Variants in ZNF641 observed in about 807,000 individuals in gnomAD.
ZNF641 encodes zinc finger protein 641.
A neutral mutation model predicts 46.2 loss-of-function variants in ZNF641; 26 were observed. The observed-to-expected ratio is 0.56, with a 90% CI of 0.41 to 0.78. ZNF641 has a LOEUF of 0.78. Ranked by LOEUF, ZNF641 falls within the 30% of genes least tolerant of loss-of-function variation. The pLI is 0.00. For missense variants in ZNF641, 469 were observed against 517.8 expected (o/e 0.91, Z 0.91); for synonymous variants, 163 against 187.9 (o/e 0.87, Z 1.09).
At chr12:48,344,525 G>A in intron 5 of ZNF641, 74 bp downstream of exon 5, 3 of 951,006 alleles carry the variant, frequency 3.2e-6, no homozygotes, top group South Asian at 1.5e-5. Flanking sequence ...GGCAGAGGAG[G>A]GATTAAACGA....
At position 48,342,403 on chromosome 12, in the gene ZNF641, C is replaced by T. The variant is rs1394080185; in HGVS notation, c.*570G>A. 1 of 985,856 alleles carries T rather than the reference C, an allele frequency of 1.0e-6. No homozygotes were observed. The highest frequency in any genetic ancestry group is 1.7e-5 in the African/African-American group (1 of 57,218). The allele number at this position is 985,856 out of a possible 1,614,324, so 61.1% of individuals were successfully genotyped here. A position where few individuals can be genotyped will look rare whatever the true frequency, so the allele number is the denominator to read the frequency against. The stretch of plus-strand genomic sequence containing the variant: ...GATGCCTGATCACTATCTCTTGTTT[C>T]CTTGTTACTCTCTAACCCAGTGTTC... On this transcript the variant is annotated 3_prime_UTR_variant, in exon 6 of 6. Coordinates refer to ENST00000547026, the MANE Select transcript of ZNF641 (RefSeq NM_001172681.2).
In ZNF641 at chr12:48,343,502, G is replaced by A. The variant is rs1292393678; in HGVS notation, c.746C>T (p.Pro249Leu). The A allele has an allele frequency of 1.2e-6, 2 of 1,613,298 alleles. No individual in the cohort carries two copies. The highest frequency in any genetic ancestry group is 2.2e-5 in the East Asian group (1 of 44,856). The change falls in exon 6 of 6, where the codon CCC (proline) becomes CTC (leucine). Residue 249 changes from proline (P) to leucine (L), a missense_variant. By Grantham distance (98) the Pro-to-Leu change is moderately conservative (BLOSUM62 -3). Around this residue, in one of 3 missense-constraint regions of ZNF641, gnomAD observed 346 missense variants for 354.0 expected, o/e 0.98. Coordinates refer to ENST00000547026, the MANE Select transcript of ZNF641 (RefSeq NM_001172681.2). ...CSTEMDSLLR[P>L]HTCPQCGKQF... is the part of the protein sequence containing the mutation. ...TTTCCCACACTGGGGGCATGTGTGG[G>A]GTCTTAACAGGGAATCCATCTCTGT...
At chr12:48,347,582 T>C (rs1952913369) in intron 2 of ZNF641, among the ~76,000 whole-genome samples, 1 of 152,256 alleles carries the variant, frequency 6.6e-6, no homozygotes, top group East Asian at 1.9e-4. Flanking sequence ...GTAATTTTCA[T>C]CTAGTAAATT....
rs915638005 is a variant in ZNF641, at chr12:48,342,363, A to T, written c.*610T>A. The stretch of plus-strand genomic sequence containing the variant: ...GGCCCCCCTGGCTTTCATATGGATA[A>T]AAAAGGGGGCTCTGGATGCCTGATC... On this transcript the variant is annotated 3_prime_UTR_variant, in exon 6 of 6. Transcript: ENST00000547026. The T allele has an allele frequency of 2.1e-5, 21 of 985,630 alleles. No homozygotes were observed. In the African/African-American group the frequency reaches 3.0e-4, roughly 14 times the overall value. 61.1% of individuals were successfully genotyped at this position (985,630 alleles called of 1,614,324 possible).
At chr12:48,344,427 C>A in intron 5 of ZNF641, 172 bp downstream of exon 5, 1 of 455,742 alleles carries the variant, frequency 2.2e-6, no homozygotes, top group Admixed American at 3.9e-5. Context: ...GAATTCAAAT[C>A]CACAAAGTGC....
At position 48,342,649 on chromosome 12, in the gene ZNF641, T is replaced by C. The variant is rs1430767928; in HGVS notation, c.*324A>G. ...GATACTCAAAATGTTTAACAACTGG[T>C]ATAGCATAGACTCCAACCAATCAGA... On this transcript the variant is annotated 3_prime_UTR_variant, in exon 6 of 6. Transcript: ENST00000547026. 1.6e-5 allele frequency: 9 copies of C among 563,458 alleles called. No individual in the cohort carries two copies. The highest frequency in any genetic ancestry group is 2.3e-5 in the Non-Finnish European group (9 of 395,456). The allele number at this position is 563,458 out of a possible 1,614,324, so 34.9% of individuals were successfully genotyped here. A position where few individuals can be genotyped will look rare whatever the true frequency, so the allele number is the denominator to read the frequency against.
chr12:48,345,659 T>C (rs1237316161), intron 3 of ZNF641, among the ~76,000 whole-genome samples, 185 bp from the exon 4 acceptor site: 1 of 152,128 alleles, frequency 6.6e-6, no homozygotes. Flanking sequence ...TAAAGGTAGA[T>C]GGTCAAGGAG....
chr12:48,343,530 T>G lies in ZNF641; in HGVS notation c.718A>C (p.Ser240Arg), dbSNP rs1374399142. Residue 240 changes from serine to arginine, a missense_variant, in exon 6 of 6, where the codon AGC (serine) becomes CGC (arginine). By Grantham distance (110) the Ser-to-Arg change is moderately radical. Coordinates refer to ENST00000547026, the MANE Select transcript of ZNF641 (RefSeq NM_001172681.2). The stretch of plus-strand genomic sequence containing the variant: ...CTTAACAGGGAATCCATCTCTGTGC[T>G]ACACAGCAGGTTTGAGAAACTATCT... ...QEDSFSNLLC[S>R]TEMDSLLRPH... The G allele has an allele frequency of 6.2e-7, 1 of 1,609,962 alleles. No individual in the cohort carries two copies. The highest frequency in any genetic ancestry group is 8.5e-7 in the Non-Finnish European group (1 of 1,176,902).
In ZNF641 at chr12:48,340,912, T is replaced by C; in HGVS notation, c.*2061A>G. ...ATACTGATCCTAAAATGCTCCTGTT[T>C]CTGAGAAGCTAGGGCAAGACCTGCC... is the stretch of plus-strand genomic sequence containing the variant. On this transcript the variant is annotated 3_prime_UTR_variant, in exon 6 of 6. Coordinates refer to ENST00000547026, the MANE Select transcript of ZNF641 (RefSeq NM_001172681.2). 2.0e-6 allele frequency: 2 copies of C among 985,456 alleles called. No homozygotes were observed. Among genetic ancestry groups the C allele is most frequent in the Non-Finnish European group, 2.4e-6 (2 of 829,942 alleles). 61.0% of individuals were successfully genotyped at this position (985,456 alleles called of 1,614,324 possible).
At chr12:48,335,719 G>C (rs1020162736), downstream of ZNF641, among the ~76,000 whole-genome samples, 5 of 152,226 alleles carry the variant, frequency 3.3e-5, no homozygotes, top group African/African-American at 9.6e-5. Context: ...TACTCAGCCA[G>C]AGGCATTCCC....
At chr12:48,350,157 GC>G (rs1359869871) in intron 1 of ZNF641, 1 of 1,605,422 alleles carries the variant, frequency 6.2e-7, no homozygotes. Context: ...CATGCCCACT[GC>G]AGTGTGGGTT....
In ZNF641 at chr12:48,338,628, T is replaced by C. The variant is rs1404057340; in HGVS notation, c.*4345A>G. Reference sequence around the variant, plus strand: ...AGAATCTTCTAAGCAGCAGAATGCATTTTGGGCACCATGGCTTCATTGGTT... The same window carrying C: ...AGAATCTTCTAAGCAGCAGAATGCACTTTGGGCACCATGGCTTCATTGGTT... On this transcript the variant is annotated 3_prime_UTR_variant, in exon 6 of 6. Coordinates refer to ENST00000547026, the MANE Select transcript of ZNF641 (RefSeq NM_001172681.2). The C allele has an allele frequency of 6.6e-6, 1 of 152,232 alleles. No individual in the cohort carries two copies. 9.4% of individuals were successfully genotyped at this position (152,232 alleles called of 1,614,324 possible). A position where few individuals can be genotyped will look rare whatever the true frequency, so the allele number is the denominator to read the frequency against.
Position 48,343,396 on chromosome 12 carries a change from C to T in ZNF641, c.852G>A (p.Glu284=). 1.2e-6 allele frequency: 2 copies of T among 1,614,154 alleles called. No homozygotes were observed. The highest frequency in any genetic ancestry group is 1.7e-6 in the Non-Finnish European group (2 of 1,180,042). The change falls in exon 6 of 6, where the codon GAG becomes GAA. Residue 284 remains glutamate, a synonymous_variant. Coordinates refer to ENST00000547026, the MANE Select transcript of ZNF641 (RefSeq NM_001172681.2). ...GGTGATGTCTTCGCCCAAAGGTCTTCTCACACTTGAGGCAGCTGTAGGGTC... is the reference window on the plus strand; with the variant it reads ...GGTGATGTCTTCGCCCAAAGGTCTTTTCACACTTGAGGCAGCTGTAGGGTC... ...GERPYSCLKC[E]KTFGRRHHLI...
At chr12:48,344,491 C>A (rs1205101710) in intron 5 of ZNF641, 108 bp downstream of exon 5, 1 of 664,232 alleles carries the variant, frequency 1.5e-6, no homozygotes, top group East Asian at 2.9e-5. Context: ...AATCTCTAAA[C>A]CTTTTGTCTC....
At chr12:48,345,739 C>T (rs1333242040) in intron 3 of ZNF641, among the ~76,000 whole-genome samples, 10 of 152,200 alleles carry the variant, frequency 6.6e-5, no homozygotes, top group South Asian at 4.1e-4. Flanking sequence ...ACCATAAACT[C>T]ATCACCACCT....
At position 48,341,340 on chromosome 12, in the gene ZNF641, T is replaced by C. The variant is rs548845045; in HGVS notation, c.*1633A>G. On this transcript the variant is annotated 3_prime_UTR_variant, in exon 6 of 6. Transcript: ENST00000547026. The stretch of plus-strand genomic sequence containing the variant: ...TCCCTAACCCCGAACTGCTCTTACA[T>C]ACAAGATAATTTTTAAATTATAAGA... The C allele has an allele frequency of 4.0e-5, 39 of 985,406 alleles. No individual in the cohort carries two copies. In the South Asian group the frequency reaches 1.6e-3, roughly 39 times the overall value. 61.0% of individuals were successfully genotyped at this position (985,406 alleles called of 1,614,324 possible).
chr12:48,346,639 C>T (rs1186355439), intron 3 of ZNF641, among the ~76,000 whole-genome samples: 1 of 152,112 alleles, frequency 6.6e-6, no homozygotes, highest in African/African-American at 2.4e-5. Flanking sequence ...CTAATCTTTC[C>T]AGATTTATTT....
rs140606413 is a variant in ZNF641 at position 48,348,064 on chromosome 12, C to T, written c.27G>A (p.Leu9=). The T allele has an allele frequency of 5.0e-6, 8 of 1,614,126 alleles. 1 individual carries two copies. The African/African-American group carries it at 9.3e-5, about 19-fold the overall frequency. Residue 9 remains leucine, a synonymous_variant, in exon 2 of 6, where the codon CTG becomes CTA. Coordinates refer to ENST00000547026, the MANE Select transcript of ZNF641 (RefSeq NM_001172681.2). MLSEQTAA[L]GTGWESMNVQ... is the part of the protein sequence containing the mutation. ...CATTCATTGATTCCCATCCTGTCCC[C>T]AGCGCTGCTGTCTGTTCTGAAAGCA... is the stretch of plus-strand genomic sequence containing the variant.
rs761927175 is a variant in ZNF641 at position 48,343,494 on chromosome 12, A to T, written c.754T>A (p.Cys252Ser). 2 of 1,613,704 alleles carry T rather than the reference A, an allele frequency of 1.2e-6. No homozygotes were observed. The highest frequency in any genetic ancestry group is 1.7e-6 in the Non-Finnish European group (2 of 1,179,686). ...EMDSLLRPHT[C>S]PQCGKQFVWG... The stretch of plus-strand genomic sequence containing the variant: ...ACAAACTGTTTCCCACACTGGGGGC[A>T]TGTGTGGGGTCTTAACAGGGAATCC... The change falls in exon 6 of 6, where the codon TGC (cysteine) becomes AGC (serine). Residue 252 changes from cysteine (C) to serine (S), a missense_variant. Coordinates refer to ENST00000547026, the MANE Select transcript of ZNF641 (RefSeq NM_001172681.2).
Sources: allele counts gnomAD v4.1 joint callset (sites outside exome capture counted in the v4.1 genomes callset), GRCh38; gene constraint gnomAD v4.1.1; regional missense constraint gnomAD v4.1.1; transcripts MANE v1.5; gene names NCBI Gene and HGNC (gene_info 2026-07-23, HGNC 2026-07-21).